Variants in HNRNPA3 observed in about 807,000 individuals in gnomAD.
HNRNPA3 encodes the protein epididymis secretory sperm binding protein.
Under a neutral mutation model 45.8 loss-of-function variants are expected in HNRNPA3, and 3 were observed. The ratio of observed to expected loss-of-function variants is 0.07; its 90% CI spans 0.03 to 0.17. HNRNPA3 has a LOEUF of 0.17. Ranked by LOEUF, HNRNPA3 falls within the 10% of genes least tolerant of loss-of-function variation. The pLI is 1.00. For missense variants in HNRNPA3, 183 were observed against 480.3 expected, an observed-to-expected ratio of 0.38 and a Z score of 5.79; for synonymous variants, 170 against 155.6, an observed-to-expected ratio of 1.09 and a Z score of -0.69.
downstream of HNRNPA3, chr2:177,220,728 CTG>C (rs1445228810): frequency 1.3e-5 from 2 of 152,602 alleles, no homozygotes; most frequent in East Asian, 1.9e-4. Context: ...AAAGAACACA[CTG>C]TTATTTCTTG....
intron 8 of HNRNPA3, among the ~76,000 whole-genome samples, chr2:177,218,254 G>A (rs1409580103): frequency 6.6e-6 from 1 of 151,784 alleles, no homozygotes; most frequent in African/African-American, 2.4e-5. Context: ...AGTAGAGATG[G>A]GGTTTCACCA....
At position 177,219,392 on chromosome 2, in the gene HNRNPA3, C is replaced by G; in HGVS notation, c.*16-16C>G. ...CACTGAGTGTAATAATTTTTTTATCCTGTATTATTCAACAGGCTACAGTTC... is the reference window on the plus strand; with the variant it reads ...CACTGAGTGTAATAATTTTTTTATCGTGTATTATTCAACAGGCTACAGTTC... On this transcript the variant is annotated splice_polypyrimidine_tract_variant and intron_variant, in intron 10 of 10. Transcript: ENST00000392524. The G allele has an allele frequency of 9.2e-7, 1 of 1,092,718 alleles. No homozygotes were observed. The highest frequency in any genetic ancestry group is 1.3e-6 in the Non-Finnish European group (1 of 749,986). The allele number at this position is 1,092,718 out of a possible 1,614,324, so 67.7% of individuals were successfully genotyped here.
At chr2:177,216,560 A>G (rs1688947581) in exon 5 of HNRNPA3, 2 of 1,614,016 alleles carry the variant, frequency 1.2e-6, no homozygotes, top group South Asian at 2.2e-5. Context: ...GCCCTTTCTA[A>G]ACAAGAGATG....
At chr2:177,212,998 A>G in intron 1 of HNRNPA3, 127 bp downstream of exon 1, 1 of 542,048 alleles carries the variant, frequency 1.8e-6, no homozygotes, top group Non-Finnish European at 3.0e-6. Flanking sequence ...AGGCTGTGGG[A>G]GGGGGAGGGG....
chr2:177,218,903 AC>A (rs2105435970), intron 8 of HNRNPA3, 133 bp from the exon 9 acceptor site: 1 of 1,027,690 alleles, frequency 9.7e-7, no homozygotes, highest in Non-Finnish European at 1.4e-6. Context: ...GACATCAGTT[AC>A]CCCAAGTGGT....
downstream of HNRNPA3, chr2:177,220,693 G>A (rs1253525394): frequency 1.3e-5 from 2 of 152,460 alleles, no homozygotes; most frequent in Admixed American, 6.5e-5. Flanking sequence ...ATTCAAATTT[G>A]GATAGTCTGA....
chr2:177,218,916 C>G, intron 8 of HNRNPA3, 121 bp from the exon 9 acceptor site: 1 of 1,196,440 alleles, frequency 8.4e-7, no homozygotes, highest in Non-Finnish European at 1.2e-6. Flanking sequence ...CCAAGTGGTG[C>G]TACCACAGTG....
intron 1 of HNRNPA3, among the ~76,000 whole-genome samples, chr2:177,214,126 A>T (rs575898661): frequency 9.9e-5 from 15 of 152,264 alleles, no homozygotes; most frequent in Admixed American, 2.0e-4. Context: ...ATTAAATGAC[A>T]GTTCATGCAA....
chr2:177,214,015 C>T (rs973605985), intron 1 of HNRNPA3, among the ~76,000 whole-genome samples: 2 of 152,118 alleles, frequency 1.3e-5, no homozygotes, highest in Non-Finnish European at 2.9e-5. Flanking sequence ...TCACATTAAA[C>T]GGTTTAACAT....
intron 8 of HNRNPA3, 27 bp downstream of exon 8, chr2:177,217,872 T>C: frequency 6.5e-7 from 1 of 1,527,028 alleles, no homozygotes; most frequent in Non-Finnish European, 8.8e-7. Context: ...TTTATTTAAA[T>C]GTTAAATATT....
At chr2:177,221,260 A>G (rs1174948792), downstream of HNRNPA3, 1 of 152,646 alleles carries the variant, frequency 6.6e-6, no homozygotes, top group Non-Finnish European at 1.5e-5. Context: ...GGACACTGTC[A>G]ATGTTCATAA....
At chr2:177,218,381 T>C (rs755322008) in intron 8 of HNRNPA3, among the ~76,000 whole-genome samples, 2 of 152,194 alleles carry the variant, frequency 1.3e-5, no homozygotes, top group Non-Finnish European at 2.9e-5. Flanking sequence ...GAATTTTTAG[T>C]TGAGTAGTAA....
At chr2:177,220,261 A>G (rs1689131649), downstream of HNRNPA3, 1 of 152,678 alleles carries the variant, frequency 6.5e-6, no homozygotes. Flanking sequence ...AACTGCTGCC[A>G]TAGGTTTTGG....
chr2:177,215,085 T>C (rs1688873482), intron 1 of HNRNPA3, among the ~76,000 whole-genome samples: 1 of 152,164 alleles, frequency 6.6e-6, no homozygotes, highest in Non-Finnish European at 1.5e-5. Flanking sequence ...TGAAGTCTTA[T>C]TTCTGGTCAA....
rs1447394349 is a variant in HNRNPA3, at chr2:177,216,786, T to C, written c.739+15T>C. On this transcript the variant is annotated intron_variant, in intron 6 of 10. Coordinates refer to ENST00000392524, the Ensembl canonical transcript of HNRNPA3. ...TGGTGGAAGAGGTAGGCTGTTTATC[T>C]TCTAAGTACATGGATACCTGACATT... 6.2e-7 allele frequency: 1 copy of C among 1,614,098 alleles called. No homozygotes were observed. Among genetic ancestry groups the C allele is most frequent in the Non-Finnish European group, 8.5e-7 (1 of 1,179,982 alleles).
intron 1 of HNRNPA3, among the ~76,000 whole-genome samples, chr2:177,213,400 G>A (rs1265086206): frequency 6.6e-6 from 1 of 152,240 alleles, no homozygotes; most frequent in African/African-American, 2.4e-5. Flanking sequence ...AGCCGCAAAT[G>A]GCCTCGAAGC....
At chr2:177,217,636 C>T (rs1689002294) in intron 7 of HNRNPA3, 69 bp from the exon 8 acceptor site, 1 of 1,584,652 alleles carries the variant, frequency 6.3e-7, no homozygotes, top group African/African-American at 1.3e-5. Flanking sequence ...CTTACACACA[C>T]ACCAGAATTG....
chr2:177,223,864 G>T (rs2105444717), downstream of HNRNPA3: 1 of 152,220 alleles, frequency 6.6e-6, no homozygotes, highest in East Asian at 1.9e-4. Flanking sequence ...TGTGTGTGTT[G>T]TTTTGTCACT....
intron 8 of HNRNPA3, 73 bp from the exon 9 acceptor site, chr2:177,218,964 A>G (rs1689077343): frequency 6.4e-7 from 1 of 1,559,632 alleles, no homozygotes; most frequent in Non-Finnish European, 8.7e-7. Flanking sequence ...TCAAAAGATA[A>G]TAGTTACATA....
Sources: allele counts gnomAD v4.1 joint callset (sites outside exome capture counted in the v4.1 genomes callset), GRCh38; gene constraint gnomAD v4.1.1; transcripts MANE v1.5; gene names NCBI Gene and HGNC (gene_info 2026-07-23, HGNC 2026-07-21).